The following DAZAP1 variants were observed in gnomAD, a reference collection of about 807,000 sequenced individuals.
DAZAP1 encodes the protein DAZ associated protein 1.
Under a neutral mutation model 60.1 loss-of-function variants are expected in DAZAP1, and 6 were observed. The observed-to-expected ratio is 0.10, with a 90% CI of 0.05 to 0.20. The LOEUF (loss-of-function observed/expected upper bound fraction) is 0.20, where lower values mean the gene tolerates loss of function less well. Ranked by LOEUF, DAZAP1 falls within the 10% of genes least tolerant of loss-of-function variation. The pLI is 1.00. For synonymous variants in DAZAP1, 235 were observed against 215.9 expected (o/e 1.09, Z -0.78); for missense variants, 366 against 560.4 (o/e 0.65, Z 3.50).
Position 1,434,790 on chromosome 19 carries a change from C to G in DAZAP1, c.1102C>G (p.Gln368Glu). Residue 368 changes from glutamine to glutamate, a missense_variant, in exon 12 of 12, where the codon CAG (glutamine) becomes GAG (glutamate). Physicochemically the swap from Gln to Glu is conservative, Grantham distance 29. This residue lies in a region of DAZAP1 where 240 missense variants were observed against 308.8 expected (regional missense o/e 0.78). Coordinates refer to ENST00000233078, the MANE Select transcript of DAZAP1 (RefSeq NM_018959.4). This position sits in a 1 kb window ranked among gnomAD's most constrained non-coding sequence, Gnocchi z 8.0. ...CGGACAGGGCTTCTCAGACCCCAGC[C>G]AGCAGCCTCCTTCCTACGGGGGTCC... ...GFGQGFSDPS[Q>E]QPPSYGGPSV... is the part of the protein sequence containing the mutation. 6.2e-7 allele frequency: 1 copy of G among 1,612,968 alleles called. No individual in the cohort carries two copies. Among genetic ancestry groups the G allele is most frequent in the Non-Finnish European group, 8.5e-7 (1 of 1,179,512 alleles).
chr19:1,414,421 A>G (rs932074461), intron 1 of DAZAP1, among the ~76,000 whole-genome samples: 10 of 152,184 alleles, frequency 6.6e-5, no homozygotes, highest in African/African-American at 2.4e-4. Flanking sequence ...GAACAATGAC[A>G]TTCTCTCACA....
At position 1,422,070 on chromosome 19, in the gene DAZAP1, C is replaced by T; in HGVS notation, c.415-278C>T. The stretch of plus-strand genomic sequence containing the variant: ...GTTGTTGGCCCTTCATGTCCGTCAG[C>T]ACACACGTGAGCGGGGCCACGGGCA... On this transcript the variant is annotated intron_variant, in intron 5 of 11. Transcript: ENST00000233078. The surrounding 1 kb of genome is among the most constrained non-coding windows in gnomAD (Gnocchi z 4.5). Among the ~76,000 whole-genome samples, 1 of 152,148 alleles carries T rather than the reference C, an allele frequency of 6.6e-6. No homozygotes were observed. Among genetic ancestry groups the T allele is most frequent in the African/African-American group, 2.4e-5 (1 of 41,436 alleles).
intron 6 of DAZAP1, among the ~76,000 whole-genome samples, chr19:1,424,725 G>C (rs1280972898): frequency 6.6e-6 from 1 of 152,164 alleles, no homozygotes; most frequent in Non-Finnish European, 1.5e-5. Flanking sequence ...CACGCACCCT[G>C]TGCCTCTGGC....
rs1269336304 is a variant in DAZAP1 at position 1,418,401 on chromosome 19, T to C, written c.237+31T>C. The C allele has an allele frequency of 6.2e-7, 1 of 1,605,964 alleles. No homozygotes were observed. Among genetic ancestry groups the C allele is most frequent in the Non-Finnish European group, 8.5e-7 (1 of 1,174,274 alleles). ...TGCCCTTCCGGGAGCTCACACCCGC[T>C]CTCTGTCTCCCCTGTCCTTCCTCTG... On this transcript the variant is annotated intron_variant, in intron 3 of 11. Coordinates refer to ENST00000233078, the MANE Select transcript of DAZAP1 (RefSeq NM_018959.4). This position sits in a 1 kb window ranked among gnomAD's most constrained non-coding sequence, Gnocchi z 5.7.
At chr19:1,415,420 C>G (rs1203197025) in intron 1 of DAZAP1, among the ~76,000 whole-genome samples, 42 of 122,654 alleles carry the variant, frequency 3.4e-4, no homozygotes, top group African/African-American at 1.2e-3. Context: ...TTGAGAACTG[C>G]TTGAACTTTA....
chr19:1,430,219 C>T lies in DAZAP1; in HGVS notation c.731-3C>T. Reference sequence around the variant, plus strand: ...TCCATCACCCCCGTACTGTGTGTTTCAGGTGGCTATGGACCGCCCCCTGCA... The same window carrying T: ...TCCATCACCCCCGTACTGTGTGTTTTAGGTGGCTATGGACCGCCCCCTGCA... On this transcript the variant is annotated splice_region_variant and splice_polypyrimidine_tract_variant and intron_variant, in intron 9 of 11. Coordinates refer to ENST00000233078, the MANE Select transcript of DAZAP1 (RefSeq NM_018959.4). 6.3e-7 allele frequency: 1 copy of T among 1,587,222 alleles called. No homozygotes were observed. The highest frequency in any genetic ancestry group is 8.6e-7 in the Non-Finnish European group (1 of 1,167,030).
In DAZAP1 at chr19:1,426,213, G is replaced by A. The variant is rs1182700459; in HGVS notation, c.546+253G>A. 2.1e-5 allele frequency: 10 copies of A among 468,464 alleles called. No individual in the cohort carries two copies. The highest frequency in any genetic ancestry group is 1.4e-4 in the African/African-American group (7 of 50,502). The allele number at this position is 468,464 out of a possible 1,614,324, so 29.0% of individuals were successfully genotyped here. A position where few individuals can be genotyped will look rare whatever the true frequency, so the allele number is the denominator to read the frequency against. On this transcript the variant is annotated intron_variant, in intron 7 of 11. Transcript: ENST00000233078. The surrounding 1 kb of genome is among the most constrained non-coding windows in gnomAD (Gnocchi z 5.4). The stretch of plus-strand genomic sequence containing the variant: ...CCCTCTGGGTGACCTGGGACTGGGC[G>A]GGTAGGGGGCTGGGGCTGGGAGGCT...
At chr19:1,429,866 G>T in intron 8 of DAZAP1, 101 bp from the exon 9 acceptor site, 1 of 1,438,562 alleles carries the variant, frequency 7.0e-7, no homozygotes, top group East Asian at 2.5e-5. Context: ...GGAGGCTCCG[G>T]GGTTGGTCCC....
At chr19:1,417,604 T>G (rs2083025301) in intron 2 of DAZAP1, 64 bp downstream of exon 2, 1 of 1,447,644 alleles carries the variant, frequency 6.9e-7, no homozygotes. Flanking sequence ...GCCTTCAAGT[T>G]GTGTCTGCCC....
chr19:1,413,831 C>T (rs945751678), intron 1 of DAZAP1, among the ~76,000 whole-genome samples: 3 of 152,318 alleles, frequency 2.0e-5, no homozygotes, highest in Non-Finnish European at 4.4e-5. Flanking sequence ...CTGTCTTGTT[C>T]TCAGTAATGA....
In DAZAP1 at chr19:1,418,468, T is replaced by C. The variant is rs1600207120; in HGVS notation, c.237+98T>C. Reference sequence around the variant, plus strand: ...ACTCTGACCGATGTTTGCGTTAGAGTATGTTTGAACGTGGGGTCGATTGGG... The same window carrying C: ...ACTCTGACCGATGTTTGCGTTAGAGCATGTTTGAACGTGGGGTCGATTGGG... On this transcript the variant is annotated intron_variant, in intron 3 of 11. Coordinates refer to ENST00000233078, the MANE Select transcript of DAZAP1 (RefSeq NM_018959.4). The surrounding 1 kb of genome is among the most constrained non-coding windows in gnomAD (Gnocchi z 5.7). 6.6e-7 allele frequency: 1 copy of C among 1,508,734 alleles called. No individual in the cohort carries two copies. Among genetic ancestry groups the C allele is most frequent in the African/African-American group, 1.4e-5 (1 of 72,796 alleles). 93.5% of individuals were successfully genotyped at this position (1,508,734 alleles called of 1,614,324 possible).
rs1220890071 is a variant in DAZAP1, at chr19:1,432,541, C to T, written c.899C>T (p.Pro300Leu). ...TTTGGCTACGGGCCTCCACCTCCACCGCCAGATCAGTTTGCCCCTCCGGGG... is the reference window on the plus strand; with the variant it reads ...TTTGGCTACGGGCCTCCACCTCCACTGCCAGATCAGTTTGCCCCTCCGGGG... The part of the protein sequence containing the change: ...FSFGYGPPPP[P>L]PDQFAPPGVP... The change falls in exon 11 of 12, where the codon CCG becomes CTG. Residue 300 changes from proline to leucine, a missense_variant. By Grantham distance (98) the Pro-to-Leu change is moderately conservative. Transcript: ENST00000233078. The surrounding 1 kb of genome is among the most constrained non-coding windows in gnomAD (Gnocchi z 4.9). The T allele has an allele frequency of 1.9e-6, 3 of 1,613,690 alleles. No homozygotes were observed. The highest frequency in any genetic ancestry group is 1.1e-5 in the South Asian group (1 of 91,090).
intron 1 of DAZAP1, among the ~76,000 whole-genome samples, chr19:1,413,450 T>C (rs922141594): frequency 5.2e-4 from 79 of 152,346 alleles, no homozygotes; most frequent in African/African-American, 1.9e-3. Context: ...GATTCAGAAG[T>C]AGGGACTTTG....
chr19:1,417,928 C>T (rs568089118), intron 2 of DAZAP1, among the ~76,000 whole-genome samples: 3 of 152,144 alleles, frequency 2.0e-5, no homozygotes, highest in Non-Finnish European at 4.4e-5. Context: ...GTCTTGTTTG[C>T]CTTGCCTTAA....
chr19:1,409,994 C>G (rs2144689138), intron 1 of DAZAP1: 1 of 152,494 alleles, frequency 6.6e-6, no homozygotes, highest in African/African-American at 2.4e-5. Flanking sequence ...GGGGTCAACG[C>G]CTCAGGAGAC....
In DAZAP1 at chr19:1,432,480, G is replaced by A. The variant is rs147254701; in HGVS notation, c.872-34G>A. On this transcript the variant is annotated intron_variant, in intron 10 of 11. Coordinates refer to ENST00000233078, the MANE Select transcript of DAZAP1 (RefSeq NM_018959.4). The surrounding 1 kb of genome is among the most constrained non-coding windows in gnomAD (Gnocchi z 4.9). Reference sequence around the variant, plus strand: ...GCTGGTCTGCCCCCAGCTGCACAACGTGTCTTGTGCCTTGCCCTCTTGTAC... The same window carrying A: ...GCTGGTCTGCCCCCAGCTGCACAACATGTCTTGTGCCTTGCCCTCTTGTAC... 11 of 1,610,178 alleles carry A rather than the reference G, an allele frequency of 6.8e-6. No individual in the cohort carries two copies. The highest frequency in any genetic ancestry group is 6.7e-5 in the East Asian group (3 of 44,858).
rs527625688 is a variant in DAZAP1, at chr19:1,410,492, C to T, written c.29+2690C>T. Among the ~76,000 whole-genome samples, 8 of 152,324 alleles carry T rather than the reference C, an allele frequency of 5.3e-5. No homozygotes were observed. In the South Asian group the frequency reaches 1.4e-3, roughly 28 times the overall value. On this transcript the variant is annotated intron_variant, in intron 1 of 11. Coordinates refer to ENST00000233078, the MANE Select transcript of DAZAP1 (RefSeq NM_018959.4). ...GGTGGCCTGGAGCGCTCAGAGCACG[C>T]GCGATCAGGAAGGCCCGAGTCTCCA...
rs2083486780 is a variant in DAZAP1, at chr19:1,432,765, T to TCC, written c.1048+78_1048+79dup. 2 of 1,466,924 alleles carry TCC rather than the reference T, an allele frequency of 1.4e-6. No homozygotes were observed. Among genetic ancestry groups the TCC allele is most frequent in the African/African-American group, 2.8e-5 (2 of 70,724 alleles). 90.9% of individuals were successfully genotyped at this position (1,466,924 alleles called of 1,614,324 possible). A position where few individuals can be genotyped will look rare whatever the true frequency, so the allele number is the denominator to read the frequency against. Reference sequence around the variant, plus strand: ...GCACGGCCTGCCTTCTTCTGCTTCCTCCCCTGCTGGACGCTCCCCAGCCTT... The same window carrying TCC: ...GCACGGCCTGCCTTCTTCTGCTTCCTCCCCCCTGCTGGACGCTCCCCAGCCTT... On this transcript the variant is annotated intron_variant, in intron 11 of 11. Coordinates refer to ENST00000233078, the MANE Select transcript of DAZAP1 (RefSeq NM_018959.4). The surrounding 1 kb of genome is among the most constrained non-coding windows in gnomAD (Gnocchi z 4.9).
At chr19:1,417,616 C>T (rs2083025684) in intron 2 of DAZAP1, 76 bp downstream of exon 2, 1 of 1,324,078 alleles carries the variant, frequency 7.6e-7, no homozygotes. Context: ...TGTCTGCCCG[C>T]CTCTTGCTAC....
Sources: gnomAD v4.1 joint callset for allele counts (sites outside exome capture counted in the v4.1 genomes callset) on GRCh38, gnomAD v4.1.1 for gene constraint, gnomAD v4.1.1 regional missense constraint, Gnocchi (gnomAD v3.1) non-coding constraint, MANE v1.5 for transcripts, NCBI Gene and HGNC (gene_info 2026-07-23, HGNC 2026-07-21) for gene names.